The following ADAMTS2 variants were observed in gnomAD, a reference collection of about 807,000 sequenced individuals.
The protein encoded by ADAMTS2 is A disintegrin and metalloproteinase with thrombospondin motifs 2.
ADAMTS2 carries 50 observed loss-of-function variants against 123.0 expected under a neutral mutation model. That is an observed-to-expected ratio of 0.41 (90% CI 0.32 to 0.51). The LOEUF is 0.51. ADAMTS2 is among the 20% of genes least tolerant of loss of function. The pLI is 0.35. For synonymous variants in ADAMTS2, 678 were observed against 695.4 expected, an observed-to-expected ratio of 0.98 and a Z score of 0.39; for missense variants, 1,494 against 1,705.2, an observed-to-expected ratio of 0.88 and a Z score of 2.18.
intron 5 of ADAMTS2, among the ~76,000 whole-genome samples, chr5:179,174,491 G>C (rs1763891026): frequency 6.6e-6 from 1 of 151,878 alleles, no homozygotes. Flanking sequence ...TTCTTGATTT[G>C]TGTGATTTAA....
At chr5:179,297,843 G>A (rs888197255) in intron 2 of ADAMTS2, among the ~76,000 whole-genome samples, 1 of 152,046 alleles carries the variant, frequency 6.6e-6, no homozygotes, top group Non-Finnish European at 1.5e-5. Context: ...TCCTCTCTCA[G>A]CCCAACAACA....
In ADAMTS2 at chr5:179,327,484, A is replaced by G. The variant is rs190531432; in HGVS notation, c.534+16283T>C. ...TGCATGCCCGGTGCACTGCTCCCCA[A>G]CCACAGGGGACACCTAACAGACCAC... is the stretch of plus-strand genomic sequence containing the variant. On this transcript the variant is annotated intron_variant, in intron 2 of 21. Coordinates refer to ENST00000251582, the MANE Select transcript of ADAMTS2 (RefSeq NM_014244.5). Among the ~76,000 whole-genome samples the G allele has an allele frequency of 2.2e-3, 332 of 152,170 alleles. 4 individuals are homozygous for G. Among genetic ancestry groups the G allele is most frequent in the African/African-American group, 7.7e-3 (319 of 41,494 alleles).
At chr5:179,264,481 G>GC (rs33967552) in intron 3 of ADAMTS2, among the ~76,000 whole-genome samples, 1 of 152,068 alleles carries the variant, frequency 6.6e-6, no homozygotes, top group Non-Finnish European at 1.5e-5. Flanking sequence ...GAGGGGGCAT[G>GC]CCCAGCCCAC....
chr5:179,272,493 C>T lies in ADAMTS2; in HGVS notation c.688+418G>A, dbSNP rs1189616243. On this transcript the variant is annotated intron_variant, in intron 3 of 21. Coordinates refer to ENST00000251582, the MANE Select transcript of ADAMTS2 (RefSeq NM_014244.5). The surrounding 1 kb of genome is among the most constrained non-coding windows in gnomAD (Gnocchi z 5.8). ...CCATGGCAGCACAGAGCAGGAGAGGCGCTGTCTGGGGCTCTGGAGGCCTCT... is the reference window on the plus strand; with the variant it reads ...CCATGGCAGCACAGAGCAGGAGAGGTGCTGTCTGGGGCTCTGGAGGCCTCT... 6.6e-6 allele frequency among the ~76,000 whole-genome samples: 1 copy of T among 152,190 alleles called. No homozygotes were observed. Among genetic ancestry groups the T allele is most frequent in the African/African-American group, 2.4e-5 (1 of 41,452 alleles).
Position 179,154,085 on chromosome 5 carries a change from G to T in ADAMTS2, c.1346C>A (p.Ser449Tyr). 1 of 1,604,894 alleles carries T rather than the reference G, an allele frequency of 6.2e-7. No individual in the cohort carries two copies. ...VQAAFHRFHW[S>Y]RCSQQELSRY... The stretch of plus-strand genomic sequence containing the variant: ...GCTCAGCTCCTGCTGGCTGCAGCGG[G>T]ACCAGTGGAAGCGGTGGAAGGCGGC... The change falls in exon 8 of 22, where the codon TCC (serine) becomes TAC (tyrosine). Residue 449 changes from serine (S) to tyrosine (Y), a missense_variant. Physicochemically the swap from Ser to Tyr is moderately radical, Grantham distance 144. Around this residue, in one of 6 missense-constraint regions of ADAMTS2, gnomAD observed 953 missense variants for 1,124.7 expected, o/e 0.85. Coordinates refer to ENST00000251582, the MANE Select transcript of ADAMTS2 (RefSeq NM_014244.5).
chr5:179,304,510 A>C, intron 2 of ADAMTS2, among the ~76,000 whole-genome samples: 1 of 152,244 alleles, frequency 6.6e-6, no homozygotes. Context: ...ACATATTTTT[A>C]AAAAGGACCA....
At chr5:179,192,758 G>A (rs554744734) in intron 4 of ADAMTS2, among the ~76,000 whole-genome samples, 3 of 152,280 alleles carry the variant, frequency 2.0e-5, no homozygotes, top group Non-Finnish European at 4.4e-5. Flanking sequence ...ACATTCCCAC[G>A]GGGCACCCTA....
intron 17 of ADAMTS2, among the ~76,000 whole-genome samples, chr5:179,126,952 G>A (rs373040742): frequency 6.6e-6 from 1 of 152,340 alleles, no homozygotes; most frequent in African/African-American, 2.4e-5. Context: ...ACCTGGGGGC[G>A]AGGCACAGGG....
chr5:179,198,894 C>A (rs1238940217), intron 4 of ADAMTS2, among the ~76,000 whole-genome samples: 1 of 152,102 alleles, frequency 6.6e-6, no homozygotes, highest in Non-Finnish European at 1.5e-5. Context: ...AGGGCCCGCC[C>A]CCTGCCTGCC....
intron 7 of ADAMTS2, 110 bp from the exon 8 acceptor site, chr5:179,154,302 C>A: frequency 6.8e-7 from 1 of 1,465,666 alleles, no homozygotes; most frequent in South Asian, 1.2e-5. Context: ...GGCCTCCTGA[C>A]CTTGGCCCAC....
chr5:179,154,317 A>T, intron 7 of ADAMTS2, 125 bp from the exon 8 acceptor site: 6 of 1,384,668 alleles, frequency 4.3e-6, no homozygotes, highest in Non-Finnish European at 5.9e-6. Context: ...GCCCACTCTG[A>T]GCCGGGTGGC....
In ADAMTS2 at chr5:179,206,958, C is replaced by T. The variant is rs574727816; in HGVS notation, c.891+555G>A. Among the ~76,000 whole-genome samples, 4 of 152,288 alleles carry T rather than the reference C, an allele frequency of 2.6e-5. No homozygotes were observed. The East Asian group carries it at 7.7e-4, about 29-fold the overall frequency. ...GAAAGGAATTCCCTCCCCAATTCCTCCCACTGCGAGCTTTAAGGAGGGGCC... is the reference window on the plus strand; with the variant it reads ...GAAAGGAATTCCCTCCCCAATTCCTTCCACTGCGAGCTTTAAGGAGGGGCC... On this transcript the variant is annotated intron_variant, in intron 4 of 21. Transcript: ENST00000251582.
At position 179,158,889 on chromosome 5, in the gene ADAMTS2, G is replaced by T. The variant is rs973000351; in HGVS notation, c.976-10C>A. On this transcript the variant is annotated splice_polypyrimidine_tract_variant and intron_variant, in intron 5 of 21. Transcript: ENST00000251582. The surrounding 1 kb of genome is among the most constrained non-coding windows in gnomAD (Gnocchi z 5.0). ...CGATGAGGCTCATGGACTGCAGGGG[G>T]ATGGAGAGAAATGGAAGAGAGAGGT... is the stretch of plus-strand genomic sequence containing the variant. 6 of 1,613,644 alleles carry T rather than the reference G, an allele frequency of 3.7e-6. No individual in the cohort carries two copies. The African/African-American group carries it at 8.0e-5, about 22-fold the overall frequency.
At chr5:179,290,107 G>C (rs1280595414) in intron 2 of ADAMTS2, among the ~76,000 whole-genome samples, 1 of 152,194 alleles carries the variant, frequency 6.6e-6, no homozygotes, top group African/African-American at 2.4e-5. Context: ...CTTGACATTT[G>C]GTCCCCAGTG....
Position 179,314,555 on chromosome 5 carries a change from CG to C in ADAMTS2, c.534+29211del, listed in dbSNP as rs1756929088. ...CAGCGCTCCTGCCTCTGCAGCCCCC[CG>C]GGCCGTGTCTCTCTCTCACGGGCCC... On this transcript the variant is annotated intron_variant, in intron 2 of 21. Transcript: ENST00000251582. The surrounding 1 kb of genome is among the most constrained non-coding windows in gnomAD (Gnocchi z 4.5). Among the ~76,000 whole-genome samples the C allele has an allele frequency of 6.6e-6, 1 of 152,192 alleles. No individual in the cohort carries two copies. The highest frequency in any genetic ancestry group is 1.5e-5 in the Non-Finnish European group (1 of 68,024).
intron 4 of ADAMTS2, among the ~76,000 whole-genome samples, chr5:179,198,462 A>T (rs1257423489): frequency 6.6e-6 from 1 of 152,184 alleles, no homozygotes; most frequent in Non-Finnish European, 1.5e-5. Flanking sequence ...TGACCAGGCT[A>T]AGGGCCGCTG....
At chr5:179,237,368 G>A (rs751555123) in intron 3 of ADAMTS2, among the ~76,000 whole-genome samples, 2 of 152,356 alleles carry the variant, frequency 1.3e-5, no homozygotes, top group South Asian at 2.1e-4. Context: ...GGTGCCATGT[G>A]TGAACCAGAA....
chr5:179,177,424 A>C (rs1400117079), intron 5 of ADAMTS2, among the ~76,000 whole-genome samples: 3 of 152,240 alleles, frequency 2.0e-5, no homozygotes, highest in African/African-American at 4.8e-5. Flanking sequence ...TGACTACGAA[A>C]GACACATTGG....
chr5:179,232,419 A>G (rs557588741), intron 3 of ADAMTS2, among the ~76,000 whole-genome samples: 3 of 152,270 alleles, frequency 2.0e-5, no homozygotes, highest in South Asian at 2.1e-4. Flanking sequence ...GCTTATCTTC[A>G]TTCTGCAGAT....
Sources: allele counts gnomAD v4.1 joint callset (sites outside exome capture counted in the v4.1 genomes callset), GRCh38; gene constraint gnomAD v4.1.1; regional missense constraint gnomAD v4.1.1; non-coding constraint Gnocchi (gnomAD v3.1); transcripts MANE v1.5; gene names NCBI Gene and HGNC (gene_info 2026-07-23, HGNC 2026-07-21).